Variants in DPF3 observed in about 807,000 individuals in gnomAD.
DPF3 encodes double PHD fingers 3.
A neutral mutation model predicts 56.8 loss-of-function variants in DPF3; 18 were observed. The observed-to-expected ratio is 0.32, with a 90% CI of 0.22 to 0.47. The LOEUF is 0.47. Ranked by LOEUF, DPF3 falls within the 20% of genes least tolerant of loss-of-function variation. The pLI is 1.00. For synonymous variants in DPF3, 188 were observed against 180.2 expected (o/e 1.04, Z -0.35); for missense variants, 403 against 488.8 (o/e 0.82, Z 1.65).
At chr14:72,677,079 T>C (rs1001331417) in intron 7 of DPF3, among the ~76,000 whole-genome samples, 24 of 152,204 alleles carry the variant, frequency 1.6e-4, no homozygotes, top group Admixed American at 1.6e-3. Context: ...AGCAGCATCC[T>C]GTTGGCCATA....
At chr14:72,818,671 T>C (rs1461598906) in intron 1 of DPF3, among the ~76,000 whole-genome samples, 1 of 152,184 alleles carries the variant, frequency 6.6e-6, no homozygotes, top group African/African-American at 2.4e-5. Context: ...AGACCTTGTC[T>C]CTAAAAAGAT....
At chr14:72,857,928 A>C (rs556798657) in intron 1 of DPF3, among the ~76,000 whole-genome samples, 11 of 152,230 alleles carry the variant, frequency 7.2e-5, no homozygotes, top group African/African-American at 2.6e-4. Flanking sequence ...ACTCCTTGCA[A>C]CATCTCTTTG....
intron 4 of DPF3, among the ~76,000 whole-genome samples, chr14:72,730,115 T>C (rs1184193794): frequency 2.0e-5 from 3 of 151,686 alleles, no homozygotes; most frequent in Non-Finnish European, 4.4e-5. Flanking sequence ...TCAAGCACTA[T>C]CAGGGAGACC....
intron 1 of DPF3, among the ~76,000 whole-genome samples, chr14:72,832,638 C>T (rs1884108837): frequency 6.6e-6 from 1 of 152,200 alleles, no homozygotes; most frequent in Non-Finnish European, 1.5e-5. Flanking sequence ...ACTTTATCAC[C>T]TTTGCAATAC....
At chr14:72,772,840 T>C (rs1332302103) in intron 1 of DPF3, among the ~76,000 whole-genome samples, 1 of 152,038 alleles carries the variant, frequency 6.6e-6, no homozygotes, top group Non-Finnish European at 1.5e-5. Flanking sequence ...ACAAATGTAA[T>C]AACATAACTT....
In DPF3 at chr14:72,693,167, A is replaced by T; in HGVS notation, c.651T>A (p.Tyr217Ter). ...YKNRPGLSYH[Y>*]AHTHLASEEG... is the part of the protein sequence containing the mutation. Reference sequence around the variant, plus strand: ...CCTCGCTGGCCAGGTGAGTGTGAGCATAGTGGTAGCTGAGCCCCGGTCGGT... The same window carrying T: ...CCTCGCTGGCCAGGTGAGTGTGAGCTTAGTGGTAGCTGAGCCCCGGTCGGT... The change falls in exon 7 of 11, where the codon TAT (tyrosine) becomes TAA (stop). Residue 217 changes from tyrosine (Y) to a stop codon, truncating the protein, a stop_gained. Coordinates refer to ENST00000556509, the MANE Select transcript of DPF3 (RefSeq NM_001280542.3). LOFTEE classifies it high-confidence loss of function. 6.2e-7 allele frequency: 1 copy of T among 1,614,008 alleles called. No individual in the cohort carries two copies. Among genetic ancestry groups the T allele is most frequent in the Non-Finnish European group, 8.5e-7 (1 of 1,179,896 alleles).
At chr14:72,817,350 A>G (rs1302308253) in intron 1 of DPF3, among the ~76,000 whole-genome samples, 1 of 152,182 alleles carries the variant, frequency 6.6e-6, no homozygotes, top group Non-Finnish European at 1.5e-5. Context: ...ATATATTCCA[A>G]GTGAATCAAA....
At chr14:72,843,304 G>A (rs140619654) in intron 1 of DPF3, among the ~76,000 whole-genome samples, 42 of 152,124 alleles carry the variant, frequency 2.8e-4, no homozygotes, top group Non-Finnish European at 5.3e-4. Flanking sequence ...AGCTGAGTCC[G>A]GGTTTGCTTC....
At chr14:72,689,512 G>A (rs919641845) in intron 7 of DPF3, among the ~76,000 whole-genome samples, 6 of 152,158 alleles carry the variant, frequency 3.9e-5, no homozygotes, top group African/African-American at 1.4e-4. Context: ...TCACGAAGCT[G>A]AGACCTTAGG....
At chr14:72,800,630 A>G (rs1745950646) in intron 1 of DPF3, among the ~76,000 whole-genome samples, 1 of 152,116 alleles carries the variant, frequency 6.6e-6, no homozygotes, top group South Asian at 2.1e-4. Context: ...AGATGGATGC[A>G]TGGATGCACA....
Position 72,842,967 on chromosome 14 carries a change from G to A in DPF3, c.32+51090C>T, listed in dbSNP as rs534444515. On this transcript the variant is annotated intron_variant, in intron 1 of 10. Transcript: ENST00000556509. ...GAACCCAGGAGGCAGAGGTTGCAGT[G>A]AGCCGAGATCATACCACTGCACTCC... is the stretch of plus-strand genomic sequence containing the variant. 1.2e-3 allele frequency among the ~76,000 whole-genome samples: 177 copies of A among 152,122 alleles called. 2 individuals are homozygous for A. The highest frequency in any genetic ancestry group is 4.1e-3 in the African/African-American group (170 of 41,512).
chr14:72,815,795 G>A (rs1207239175), intron 1 of DPF3, among the ~76,000 whole-genome samples: 1 of 152,210 alleles, frequency 6.6e-6, no homozygotes, highest in Non-Finnish European at 1.5e-5. Flanking sequence ...CACTGGGCCA[G>A]CATCAAGGTC....
intron 6 of DPF3, among the ~76,000 whole-genome samples, chr14:72,694,217 T>C (rs1422704686): frequency 6.6e-6 from 1 of 152,174 alleles, no homozygotes. Flanking sequence ...GGGGACGGCA[T>C]TGCTGGTAGC....
intron 1 of DPF3, among the ~76,000 whole-genome samples, chr14:72,833,554 C>T (rs1489044018): frequency 6.6e-6 from 1 of 151,504 alleles, no homozygotes; most frequent in East Asian, 1.9e-4. Context: ...GAGTCAAGGA[C>T]AGAAACTCTG....
chr14:72,653,647 A>G (rs1388285994), intron 8 of DPF3, among the ~76,000 whole-genome samples: 2 of 152,184 alleles, frequency 1.3e-5, no homozygotes, highest in African/African-American at 2.4e-5. Flanking sequence ...CCCTTTTCCA[A>G]CTTGTCTAGG....
intron 1 of DPF3, among the ~76,000 whole-genome samples, chr14:72,804,229 A>G (rs894509766): frequency 4.0e-5 from 6 of 150,834 alleles, no homozygotes; most frequent in African/African-American, 7.3e-5. Flanking sequence ...ACACACGCAG[A>G]CAAAGATTCC....
chr14:72,731,766 A>T lies in DPF3; in HGVS notation c.429+41T>A, dbSNP rs146102510. The T allele has an allele frequency of 3.4e-4, 544 of 1,611,608 alleles. 1 individual carries two copies. In the African/African-American group the frequency reaches 6.8e-3, roughly 20 times the overall value. ...CTGGAGTTCTGGAAGCGCTATGGTG[A>T]CAGGAACACTCTGTGGGGTCCCCAG... On this transcript the variant is annotated intron_variant, in intron 4 of 10. Transcript: ENST00000556509.
chr14:72,715,390 G>A (rs147068746), intron 5 of DPF3, among the ~76,000 whole-genome samples: 16 of 152,272 alleles, frequency 1.1e-4, no homozygotes, highest in Non-Finnish European at 2.1e-4. Context: ...CACTGGTCAC[G>A]TGTATAGCAC....
At chr14:72,753,750 G>T (rs542590401) in intron 2 of DPF3, among the ~76,000 whole-genome samples, 1 of 152,236 alleles carries the variant, frequency 6.6e-6, no homozygotes, top group South Asian at 2.1e-4. Flanking sequence ...GGTTAAGCAG[G>T]TTCCCTTCAA....
Sources: allele counts gnomAD v4.1 joint callset (sites outside exome capture counted in the v4.1 genomes callset), GRCh38; gene constraint gnomAD v4.1.1; transcripts MANE v1.5; gene names NCBI Gene and HGNC (gene_info 2026-07-23, HGNC 2026-07-21).